KCNQ1: variants seen among roughly 807,000 people sequenced by gnomAD.
The protein encoded by KCNQ1 is potassium voltage-gated channel subfamily KQT member 1.
Under a neutral mutation model 72.4 loss-of-function variants are expected in KCNQ1, and 49 were observed. That is an observed-to-expected ratio of 0.68 (90% CI 0.54 to 0.86). The LOEUF is 0.86. Among genes scored for constraint, KCNQ1 ranks in the 40% least tolerant of loss-of-function variants. The pLI is 0.00. For missense variants in KCNQ1, 790 were observed against 945.1 expected, an observed-to-expected ratio of 0.84 and a Z score of 2.15; for synonymous variants, 450 against 412.6, an observed-to-expected ratio of 1.09 and a Z score of -1.10.
In KCNQ1 at chr11:2,536,729, G is replaced by A. The variant is rs1407797685; in HGVS notation, c.477+8711G>A. ...GACCGCTGGGCCTATCTCCAGCCAC[G>A]TGGGTCGCGAGAGTCGACCTGGGCT... On this transcript the variant is annotated intron_variant, in intron 2 of 15. Transcript: ENST00000155840. This position sits in a 1 kb window ranked among gnomAD's most constrained non-coding sequence, Gnocchi z 7.4. Among the ~76,000 whole-genome samples, 2 of 150,852 alleles carry A rather than the reference G, an allele frequency of 1.3e-5. No individual in the cohort carries two copies. The highest frequency in any genetic ancestry group is 2.9e-5 in the Non-Finnish European group (2 of 68,008).
At chr11:2,539,980 C>T (rs1038670999) in intron 2 of KCNQ1, among the ~76,000 whole-genome samples, 1 of 152,154 alleles carries the variant, frequency 6.6e-6, no homozygotes, top group Non-Finnish European at 1.5e-5. Context: ...CACAACACAA[C>T]GGGACGGGCT....
Position 2,626,834 on chromosome 11 carries a change from A to G in KCNQ1, c.1394-35127A>G, listed in dbSNP as rs1849269958. ...TAGGCCATTGTACCTGGCCTGTAGTAAGTTTTCAAATCAGAAAGTGTGAGT... is the reference window on the plus strand; with the variant it reads ...TAGGCCATTGTACCTGGCCTGTAGTGAGTTTTCAAATCAGAAAGTGTGAGT... On this transcript the variant is annotated intron_variant, in intron 10 of 15. Transcript: ENST00000155840. This position sits in a 1 kb window ranked among gnomAD's most constrained non-coding sequence, Gnocchi z 4.0. 1 of 398,480 alleles carries G rather than the reference A, an allele frequency of 2.5e-6. No individual in the cohort carries two copies. Among genetic ancestry groups the G allele is most frequent in the Non-Finnish European group, 4.4e-6 (1 of 226,066 alleles). The allele number at this position is 398,480 out of a possible 1,614,324, so 24.7% of individuals were successfully genotyped here.
chr11:2,576,770 C>A (rs1848429331), intron 6 of KCNQ1, among the ~76,000 whole-genome samples: 1 of 152,238 alleles, frequency 6.6e-6, no homozygotes, highest in Non-Finnish European at 1.5e-5. Flanking sequence ...ACAGGCCAGC[C>A]CTGTTGGCAC....
chr11:2,475,390 T>C lies in KCNQ1; in HGVS notation c.386+29906T>C, dbSNP rs1846555422. Among the ~76,000 whole-genome samples the C allele has an allele frequency of 1.3e-5, 2 of 152,202 alleles. No homozygotes were observed. Among genetic ancestry groups the C allele is most frequent in the African/African-American group, 4.8e-5 (2 of 41,444 alleles). ...TGCAGCTGTCTCTGCCTTTGGCTGT[T>C]GTGGCTAGAGGCTCCTTCCTGAAAG... On this transcript the variant is annotated intron_variant, in intron 1 of 15. Coordinates refer to ENST00000155840, the MANE Select transcript of KCNQ1 (RefSeq NM_000218.3). This position sits in a 1 kb window ranked among gnomAD's most constrained non-coding sequence, Gnocchi z 5.8.
rs1846295304 is a variant in KCNQ1 at position 2,462,650 on chromosome 11, G to T, written c.386+17166G>T. The stretch of plus-strand genomic sequence containing the variant: ...GTGTGCCCTGGGGCCTGCTCTCTTG[G>T]TAGGGGTTGACCCTGCCTGTGACTT... On this transcript the variant is annotated intron_variant, in intron 1 of 15. Transcript: ENST00000155840. This position sits in a 1 kb window ranked among gnomAD's most constrained non-coding sequence, Gnocchi z 8.2. 6.6e-6 allele frequency among the ~76,000 whole-genome samples: 1 copy of T among 152,002 alleles called. No homozygotes were observed. The highest frequency in any genetic ancestry group is 2.4e-5 in the African/African-American group (1 of 41,394).
chr11:2,823,242 C>G (rs1412889281), intron 15 of KCNQ1, among the ~76,000 whole-genome samples: 1 of 152,192 alleles, frequency 6.6e-6, no homozygotes, highest in African/African-American at 2.4e-5. Flanking sequence ...CTGAACAGAT[C>G]AGTCTTTGGT....
At chr11:2,700,003 A>C in intron 11 of KCNQ1, 1 of 398,158 alleles carries the variant, frequency 2.5e-6, no homozygotes, top group South Asian at 1.3e-4. Flanking sequence ...CTGCCTGGAG[A>C]CTGCGGCAGC....
rs1035571041 is a variant in KCNQ1, at chr11:2,679,522, A to G, written c.1514+17441A>G. ...CACAGTGTTACTTAAATGTATTGCTATACCTCATGATGGCCATTCCATCCA... is the reference window on the plus strand; with the variant it reads ...CACAGTGTTACTTAAATGTATTGCTGTACCTCATGATGGCCATTCCATCCA... On this transcript the variant is annotated intron_variant, in intron 11 of 15. Transcript: ENST00000155840. This position sits in a 1 kb window ranked among gnomAD's most constrained non-coding sequence, Gnocchi z 4.8. The G allele has an allele frequency of 2.3e-5, 9 of 398,508 alleles. No homozygotes were observed. The highest frequency in any genetic ancestry group is 4.4e-5 in the Admixed American group (1 of 22,714). 24.7% of individuals were successfully genotyped at this position (398,508 alleles called of 1,614,324 possible). A position where few individuals can be genotyped will look rare whatever the true frequency, so the allele number is the denominator to read the frequency against.
In KCNQ1 at chr11:2,826,763, A is replaced by C. The variant is rs1326854290; in HGVS notation, c.1795-21004A>C. Among the ~76,000 whole-genome samples, 1 of 152,128 alleles carries C rather than the reference A, an allele frequency of 6.6e-6. No homozygotes were observed. The highest frequency in any genetic ancestry group is 2.4e-5 in the African/African-American group (1 of 41,438). ...CCCTGCCTCCACTCAGAATCCCACT[A>C]TGTGCTTGGAGCCATGCTGGGTGCT... On this transcript the variant is annotated intron_variant, in intron 15 of 15. Transcript: ENST00000155840. The surrounding 1 kb of genome is among the most constrained non-coding windows in gnomAD (Gnocchi z 4.2).
In KCNQ1 at chr11:2,682,043, T is replaced by A. The variant is rs530092543; in HGVS notation, c.1514+19962T>A. 5.0e-6 allele frequency: 2 copies of A among 398,628 alleles called. No homozygotes were observed. The highest frequency in any genetic ancestry group is 4.1e-5 in the African/African-American group (2 of 48,750). 24.7% of individuals were successfully genotyped at this position (398,628 alleles called of 1,614,324 possible). A position where few individuals can be genotyped will look rare whatever the true frequency, so the allele number is the denominator to read the frequency against. ...CACAAGAATATTATCACTCCTGTTTTATAGATAATCTCCTAAGGGTTGAGG... is the reference window on the plus strand; with the variant it reads ...CACAAGAATATTATCACTCCTGTTTAATAGATAATCTCCTAAGGGTTGAGG... On this transcript the variant is annotated intron_variant, in intron 11 of 15. Transcript: ENST00000155840. This position sits in a 1 kb window ranked among gnomAD's most constrained non-coding sequence, Gnocchi z 5.8.
At chr11:2,717,879 G>A (rs944621373) in intron 11 of KCNQ1, among the ~76,000 whole-genome samples, 24 of 152,192 alleles carry the variant, frequency 1.6e-4, no homozygotes, top group Non-Finnish European at 7.3e-5. Flanking sequence ...TCGCCCCAGG[G>A]CCTCCAGGTT....
chr11:2,698,281 C>G lies in KCNQ1; in HGVS notation c.1514+36200C>G, dbSNP rs560235106. 1.5e-5 allele frequency: 6 copies of G among 398,636 alleles called. No homozygotes were observed. In the South Asian group the frequency reaches 7.6e-4, roughly 51 times the overall value. The allele number at this position is 398,636 out of a possible 1,614,324, so 24.7% of individuals were successfully genotyped here. On this transcript the variant is annotated intron_variant, in intron 11 of 15. Coordinates refer to ENST00000155840, the MANE Select transcript of KCNQ1 (RefSeq NM_000218.3). This position sits in a 1 kb window ranked among gnomAD's most constrained non-coding sequence, Gnocchi z 5.1. ...TGTGATAATCTAAGACAGAACTATT[C>G]TACCTGGATGAATTATTCTCTTTCA...
chr11:2,758,094 T>C (rs191663240), intron 11 of KCNQ1, among the ~76,000 whole-genome samples: 1 of 152,298 alleles, frequency 6.6e-6, no homozygotes, highest in East Asian at 1.9e-4. Flanking sequence ...ACACTTGTTT[T>C]GTGAAAGCCC....
chr11:2,728,321 C>T (rs1282437756), intron 11 of KCNQ1, among the ~76,000 whole-genome samples: 4 of 152,238 alleles, frequency 2.6e-5, no homozygotes, highest in African/African-American at 9.6e-5. Flanking sequence ...AGGGCCAGGA[C>T]TCTTGTTCAC....
At chr11:2,667,247 C>T (rs900332308) in intron 11 of KCNQ1, 16 of 398,548 alleles carry the variant, frequency 4.0e-5, no homozygotes, top group African/African-American at 1.2e-4. Context: ...CGTCTGAGCA[C>T]GTGAGGAAGA....
intron 5 of KCNQ1, 122 bp downstream of exon 5, chr11:2,572,231 G>C: frequency 1.4e-6 from 1 of 711,604 alleles, no homozygotes; most frequent in Non-Finnish European, 2.4e-6. Flanking sequence ...GTGCCTGGGC[G>C]CAGGGGTACC....
At chr11:2,499,595 T>C (rs1251034205) in intron 1 of KCNQ1, among the ~76,000 whole-genome samples, 2 of 144,378 alleles carry the variant, frequency 1.4e-5, no homozygotes, top group Non-Finnish European at 3.0e-5. Context: ...AAAATACACA[T>C]AGACTGAAAA....
At chr11:2,604,920 G>A (rs1848858599) in intron 10 of KCNQ1, among the ~76,000 whole-genome samples, 1 of 152,258 alleles carries the variant, frequency 6.6e-6, no homozygotes, top group Admixed American at 6.5e-5. Context: ...ACCAGCATAT[G>A]AGCACTGCGC....
At position 2,815,581 on chromosome 11, in the gene KCNQ1, A is replaced by G. The variant is rs1367776520; in HGVS notation, c.1795-32186A>G. On this transcript the variant is annotated intron_variant, in intron 15 of 15. Transcript: ENST00000155840. This position sits in a 1 kb window ranked among gnomAD's most constrained non-coding sequence, Gnocchi z 5.4. ...GACAGGGTGTCCTGTTGTAGTTGCCAAGCCCAAGAAAGATGAGGCACCCAG... is the reference window on the plus strand; with the variant it reads ...GACAGGGTGTCCTGTTGTAGTTGCCGAGCCCAAGAAAGATGAGGCACCCAG... Among the ~76,000 whole-genome samples the G allele has an allele frequency of 1.3e-5, 2 of 152,116 alleles. No homozygotes were observed. The highest frequency in any genetic ancestry group is 2.9e-5 in the Non-Finnish European group (2 of 68,006).
Sources: allele counts gnomAD v4.1 joint callset (sites outside exome capture counted in the v4.1 genomes callset), GRCh38; gene constraint gnomAD v4.1.1; non-coding constraint Gnocchi (gnomAD v3.1); transcripts MANE v1.5; gene names NCBI Gene and HGNC (gene_info 2026-07-23, HGNC 2026-07-21).